C12orf42: variants seen among roughly 807,000 people sequenced by gnomAD.
C12orf42 encodes the protein chromosome 12 open reading frame 42, also known as uncharacterized protein C12orf42.
C12orf42 carries 25 observed loss-of-function variants against 21.6 expected under a neutral mutation model. The ratio of observed to expected loss-of-function variants is 1.16; its 90% CI spans 0.84 to 1.62. The LOEUF (loss-of-function observed/expected upper bound fraction) is 1.62. C12orf42 is among the 40% of genes most tolerant of loss of function. The pLI, the probability that C12orf42 is intolerant of heterozygous loss-of-function variation, is 0.00. For synonymous variants in C12orf42, 174 were observed against 175.0 expected, an observed-to-expected ratio of 0.99 and a Z score of 0.05; for missense variants, 483 against 459.3, an observed-to-expected ratio of 1.05 and a Z score of -0.47.
intron 10 of C12orf42, among the ~76,000 whole-genome samples, chr12:103,257,674 A>G (rs925100474): frequency 6.6e-6 from 1 of 152,242 alleles, no homozygotes; most frequent in African/African-American, 2.4e-5. Context: ...TCTTAAAGTC[A>G]AAGGAGAATA....
intron 2 of C12orf42, among the ~76,000 whole-genome samples, chr12:103,427,962 C>T (rs1369103094): frequency 6.6e-6 from 1 of 152,138 alleles, no homozygotes; most frequent in Non-Finnish European, 1.5e-5. Context: ...ATCTCTGGGA[C>T]ACAGCTAAAG....
downstream of C12orf42, among the ~76,000 whole-genome samples, chr12:103,265,979 C>G (rs2035150715): frequency 6.6e-6 from 1 of 152,184 alleles, no homozygotes; most frequent in African/African-American, 2.4e-5. Flanking sequence ...AGGCCTCTTT[C>G]ACAGCATAAT....
At chr12:103,465,070 T>C (rs1166161724) in intron 2 of C12orf42, among the ~76,000 whole-genome samples, 2 of 152,124 alleles carry the variant, frequency 1.3e-5, no homozygotes, top group African/African-American at 2.4e-5. Context: ...CTTACAATTG[T>C]CTTGGCTATA....
intron 3 of C12orf42, chr12:103,396,477 A>T (rs2047545537): frequency 6.6e-6 from 1 of 152,230 alleles, no homozygotes; most frequent in Non-Finnish European, 1.5e-5. Flanking sequence ...AAATACTAAC[A>T]TAAATACATT....
chr12:103,214,208 C>T, the C12orf42 span, among the ~76,000 whole-genome samples: 3 of 152,124 alleles, frequency 2.0e-5, no homozygotes, highest in African/African-American at 7.2e-5. Flanking sequence ...GATGCTTGTG[C>T]CTTAGAATAT....
the C12orf42 span, among the ~76,000 whole-genome samples, chr12:103,529,594 C>T: frequency 1.3e-5 from 2 of 152,156 alleles, no homozygotes. Flanking sequence ...AGGAGATAGT[C>T]AGGGATGGCG....
chr12:103,478,366 AAG>A lies in C12orf42; in HGVS notation c.59_60del (p.Pro20LeufsTer23). 1.2e-6 allele frequency: 2 copies of A among 1,602,888 alleles called. No homozygotes were observed. Among genetic ancestry groups the A allele is most frequent in the Non-Finnish European group, 1.7e-6 (2 of 1,172,872 alleles). On this transcript the variant is annotated frameshift_variant, in exon 2 of 6. Transcript: ENST00000548883. Reference sequence around the variant, plus strand: ...TGCATTACCTGCATCCTGTTTGCAAAAGGTCTGATGGTTAGCAAGAATTCTTC... The same window carrying A: ...TGCATTACCTGCATCCTGTTTGCAAAGTCTGATGGTTAGCAAGAATTCTTC... Reference protein sequence around the residue: ...REEEFLLTIRPFANRMQKSPC... With the variant: ...REEEFLLTIRXFANRMQKSPC...
chr12:103,161,984 C>G, the C12orf42 span, among the ~76,000 whole-genome samples: 1,174 of 152,274 alleles, frequency 7.7e-3, 13 homozygotes, highest in African/African-American at 0.026. Flanking sequence ...AGAATCTGTT[C>G]CCACAGGTTT....
intron 4 of C12orf42, among the ~76,000 whole-genome samples, chr12:103,350,411 C>T (rs997619078): frequency 6.6e-6 from 1 of 152,174 alleles, no homozygotes; most frequent in Admixed American, 6.5e-5. Context: ...CACAATATCG[C>T]AGTGCTTGTG....
At chr12:103,399,810 T>C (rs2047842640) in intron 3 of C12orf42, among the ~76,000 whole-genome samples, 1 of 152,134 alleles carries the variant, frequency 6.6e-6, no homozygotes, top group African/African-American at 2.4e-5. Flanking sequence ...AATACTGGAA[T>C]ACATACACAC....
intron 2 of C12orf42, among the ~76,000 whole-genome samples, chr12:103,413,291 T>C (rs2049007590): frequency 1.3e-5 from 2 of 152,202 alleles, no homozygotes; most frequent in South Asian, 4.1e-4. Context: ...GAGTTTTCTA[T>C]TCTGTTCCAT....
At chr12:103,491,246 T>C (rs983416034) in intron 1 of C12orf42, among the ~76,000 whole-genome samples, 1 of 152,234 alleles carries the variant, frequency 6.6e-6, no homozygotes, top group African/African-American at 2.4e-5. Flanking sequence ...TTAATTTTAA[T>C]TATTTTTTCC....
At chr12:103,513,848 A>T in the C12orf42 span, among the ~76,000 whole-genome samples, 1 of 152,302 alleles carries the variant, frequency 6.6e-6, no homozygotes, top group African/African-American at 2.4e-5. Context: ...TCAGTGAGGA[A>T]AACTAAAAAA....
At chr12:103,195,154 C>A in the C12orf42 span, among the ~76,000 whole-genome samples, 2 of 152,154 alleles carry the variant, frequency 1.3e-5, no homozygotes, top group African/African-American at 4.8e-5. Context: ...GTGTGGTATA[C>A]CACGGTGCAT....
intron 2 of C12orf42, 98 bp downstream of exon 2, chr12:103,478,251 T>C (rs573160664): frequency 9.6e-5 from 69 of 719,036 alleles, no homozygotes; most frequent in Admixed American, 8.7e-4. Flanking sequence ...AAATATAATA[T>C]CAATGACACT....
At chr12:103,345,503 C>T (rs181163596) in intron 4 of C12orf42, among the ~76,000 whole-genome samples, 1 of 152,056 alleles carries the variant, frequency 6.6e-6, no homozygotes, top group Non-Finnish European at 1.5e-5. Context: ...CAGATTAAAC[C>T]AATTAATCAG....
In C12orf42 at chr12:103,302,111, A is replaced by G. The variant is rs775806080; in HGVS notation, c.1080T>C (p.His360=). Residue 360 remains histidine, a synonymous_variant, in exon 6 of 6, where the codon CAT becomes CAC. Coordinates refer to ENST00000548883, the MANE Select transcript of C12orf42 (RefSeq NM_198521.5). The part of the protein sequence containing the change: ...LSRPVVNAHL[H] ...CCGAACAATTCCCTCGCAGCGGTCA[A>G]TGTAAGTGAGCATTCACCACCGGCC... 4.2e-5 allele frequency: 67 copies of G among 1,589,730 alleles called. No individual in the cohort carries two copies. Among genetic ancestry groups the G allele is most frequent in the Non-Finnish European group, 4.9e-5 (57 of 1,166,918 alleles).
intron 2 of C12orf42, among the ~76,000 whole-genome samples, chr12:103,424,814 G>T (rs1031248921): frequency 2.6e-5 from 4 of 152,154 alleles, no homozygotes; most frequent in African/African-American, 9.7e-5. Context: ...CCCCAGTGGT[G>T]CCTGGAACAC....
chr12:103,294,575 G>A (rs1593310443), intron 4 of C12orf42, among the ~76,000 whole-genome samples: 1 of 87,958 alleles, frequency 1.1e-5, no homozygotes, highest in African/African-American at 4.6e-5. Flanking sequence ...AAGAAAGGAA[G>A]GAAGGAAGGA....
Sources: gnomAD v4.1 joint callset for allele counts (sites outside exome capture counted in the v4.1 genomes callset) on GRCh38, gnomAD v4.1.1 for gene constraint, MANE v1.5 for transcripts, NCBI Gene and HGNC (gene_info 2026-07-23, HGNC 2026-07-21) for gene names.